Variants in PRKDC observed in about 807,000 individuals in gnomAD.
The protein encoded by PRKDC is protein kinase, DNA-activated, catalytic subunit.
Under a neutral mutation model 486.9 loss-of-function variants are expected in PRKDC, and 82 were observed. That is an observed-to-expected ratio of 0.17 (90% confidence interval 0.14 to 0.20). PRKDC has a LOEUF of 0.20. PRKDC is among the 10% of genes least tolerant of loss of function. The probability of loss-of-function intolerance (pLI) is 1.00; values close to 1 mark genes in which losing one functional copy is unlikely to be tolerated. For synonymous variants in PRKDC, 1,895 were observed against 1,837.0 expected, an observed-to-expected ratio of 1.03 and a Z score of -0.81; for missense variants, 4,504 against 5,038.2, an observed-to-expected ratio of 0.89 and a Z score of 3.21.
chr8:47,888,877 A>G, intron 33 of PRKDC, 137 bp downstream of exon 33: 1 of 1,081,192 alleles, frequency 9.2e-7, no homozygotes, highest in Non-Finnish European at 1.3e-6. Context: ...CTAAACAACT[A>G]TTGAGGTCAC....
At chr8:47,953,987 G>A (rs2090664712) in intron 5 of PRKDC, 68 bp from the exon 6 acceptor site, 1 of 807,380 alleles carries the variant, frequency 1.2e-6, no homozygotes, top group Admixed American at 3.1e-5. Context: ...TAACCAAAAT[G>A]TATGAAGAAA....
At chr8:47,839,911 A>AG in intron 55 of PRKDC, 105 bp downstream of exon 55, 1 of 868,492 alleles carries the variant, frequency 1.2e-6, no homozygotes, top group Non-Finnish European at 1.7e-6. Flanking sequence ...GAGGAGGTTG[A>AG]GACTGCAGTG....
intron 76 of PRKDC, among the ~76,000 whole-genome samples, chr8:47,788,564 C>G (rs2086831625): frequency 6.6e-6 from 1 of 152,192 alleles, no homozygotes; most frequent in Non-Finnish European, 1.5e-5. Flanking sequence ...TACTTATCAG[C>G]TTATTTAACA....
intron 40 of PRKDC, among the ~76,000 whole-genome samples, chr8:47,876,602 A>G (rs562206189): frequency 6.6e-6 from 1 of 152,134 alleles, no homozygotes; most frequent in South Asian, 2.1e-4. Context: ...CAGAGGCTGC[A>G]ATGAGCCAAG....
chr8:47,816,084 C>T (rs1309205722), intron 68 of PRKDC, among the ~76,000 whole-genome samples: 2 of 151,946 alleles, frequency 1.3e-5, no homozygotes, highest in East Asian at 1.9e-4. Flanking sequence ...CATGGTAGTG[C>T]GTGCCTGTAA....
At chr8:47,839,350 T>G in intron 55 of PRKDC, 104 bp from the exon 56 acceptor site, 1 of 808,384 alleles carries the variant, frequency 1.2e-6, no homozygotes, top group African/African-American at 1.7e-5. Context: ...AAGGCTTGTT[T>G]TCCCATTAGA....
chr8:47,889,556 C>T (rs1469713979), intron 32 of PRKDC, among the ~76,000 whole-genome samples: 6 of 152,244 alleles, frequency 3.9e-5, no homozygotes, highest in Non-Finnish European at 2.9e-5. Context: ...ACTGCTGCAT[C>T]CCAGGGCCTG....
At chr8:47,876,909 G>A (rs2089103176) in intron 40 of PRKDC, among the ~76,000 whole-genome samples, 1 of 152,146 alleles carries the variant, frequency 6.6e-6, no homozygotes, top group Admixed American at 6.5e-5. Flanking sequence ...ATACAATCAT[G>A]CACATGGCTA....
At chr8:47,784,564 C>T (rs894738444) in intron 77 of PRKDC, among the ~76,000 whole-genome samples, 7 of 152,120 alleles carry the variant, frequency 4.6e-5, no homozygotes, top group Non-Finnish European at 7.4e-5. Context: ...CTGGCAAATT[C>T]GGGGTGAGGA....
chr8:47,954,305 A>C (rs564325547), intron 5 of PRKDC, 33 bp downstream of exon 5: 3 of 929,770 alleles, frequency 3.2e-6, no homozygotes, highest in Non-Finnish European at 4.6e-6. Flanking sequence ...AATTTGCTAA[A>C]CTATTTGAAA....
At chr8:47,880,292 G>A (rs575863927) in intron 38 of PRKDC, among the ~76,000 whole-genome samples, 1 of 152,180 alleles carries the variant, frequency 6.6e-6, no homozygotes, top group Non-Finnish European at 1.5e-5. Flanking sequence ...TACAAGCTTT[G>A]TGTAGAAAGA....
At chr8:47,788,300 C>A (rs184256446) in intron 76 of PRKDC, among the ~76,000 whole-genome samples, 44 of 152,310 alleles carry the variant, frequency 2.9e-4, no homozygotes, top group Non-Finnish European at 1.2e-4. Context: ...AGAGAAGGAG[C>A]CAAGCAGGCT....
At chr8:47,821,497 G>A in intron 65 of PRKDC, 107 bp downstream of exon 65, 1 of 1,080,790 alleles carries the variant, frequency 9.3e-7, no homozygotes, top group Non-Finnish European at 1.4e-6. Context: ...CAATTCCCTA[G>A]TGCTTCACAA....
intron 52 of PRKDC, among the ~76,000 whole-genome samples, chr8:47,851,493 C>T (rs1399155418): frequency 1.3e-5 from 2 of 152,164 alleles, no homozygotes; most frequent in Non-Finnish European, 2.9e-5. Context: ...GTGACATGGA[C>T]AAGGGTCCAA....
chr8:47,860,900 T>C lies in PRKDC; in HGVS notation c.6057A>G (p.Ser2019=), dbSNP rs1398922470. The C allele has an allele frequency of 3.1e-6, 5 of 1,603,792 alleles. No individual in the cohort carries two copies. The highest frequency in any genetic ancestry group is 1.7e-4 in the Middle Eastern group (1 of 6,058). Residue 2019 remains serine (S), a splice_region_variant and synonymous_variant, in exon 45 of 86, where the codon TCA becomes TCG. Transcript: ENST00000314191. Reference sequence around the variant, plus strand: ...CTCATGATTTTGAAAACATCCTACCTGAATCCCCATTTGCTGCTTCTCTGG... The same window carrying C: ...CTCATGATTTTGAAAACATCCTACCCGAATCCCCATTTGCTGCTTCTCTGG... ...KEAREAANGD[S]DGPSYMSSLS...
intron 25 of PRKDC, among the ~76,000 whole-genome samples, chr8:47,909,043 C>G (rs1405458752): frequency 6.6e-6 from 1 of 152,104 alleles, no homozygotes; most frequent in Non-Finnish European, 1.5e-5. Context: ...GTGAAAACTC[C>G]TCCCCTTGAT....
chr8:47,828,089 G>A (rs2087777216), intron 62 of PRKDC, 79 bp downstream of exon 62: 1 of 1,395,090 alleles, frequency 7.2e-7, no homozygotes, highest in Non-Finnish European at 9.9e-7. Flanking sequence ...TCTCAACACG[G>A]GAAACATAGT....
chr8:47,937,622 G>T (rs2090374511), intron 11 of PRKDC, among the ~76,000 whole-genome samples: 1 of 152,222 alleles, frequency 6.6e-6, no homozygotes, highest in South Asian at 2.1e-4. Flanking sequence ...CCGAGGATCT[G>T]ATGGTGCACC....
intron 78 of PRKDC, among the ~76,000 whole-genome samples, 195 bp downstream of exon 78, chr8:47,783,547 C>A (rs1439661400): frequency 2.6e-5 from 4 of 151,728 alleles, no homozygotes; most frequent in African/African-American, 9.7e-5. Flanking sequence ...CCGAGACCGT[C>A]CCATTGCACT....
Sources: allele counts gnomAD v4.1 joint callset (sites outside exome capture counted in the v4.1 genomes callset), GRCh38; gene constraint gnomAD v4.1.1; transcripts MANE v1.5; gene names NCBI Gene and HGNC (gene_info 2026-07-23, HGNC 2026-07-21).